The following TRMU variants were observed in gnomAD, a reference collection of about 807,000 sequenced individuals.
TRMU encodes the protein mitochondrial tRNA-specific 2-thiouridylase 1.
In TRMU, 49 loss-of-function variants were observed where a neutral mutation model predicts 46.9. That is an observed-to-expected ratio of 1.05 (90% CI 0.83 to 1.33). The LOEUF is 1.33. Among genes scored for constraint, TRMU ranks in the 40% most tolerant of loss-of-function variants. The pLI is 0.00. For synonymous variants in TRMU, 241 were observed against 200.9 expected, an observed-to-expected ratio of 1.20 and a Z score of -1.69; for missense variants, 572 against 532.4, an observed-to-expected ratio of 1.07 and a Z score of -0.73.
In TRMU at chr22:46,350,613, T is replaced by C; in HGVS notation, c.651+150T>C. On this transcript the variant is annotated intron_variant, in intron 5 of 10. Coordinates refer to ENST00000645190, the MANE Select transcript of TRMU (RefSeq NM_018006.5). The surrounding 1 kb of genome is among the most constrained non-coding windows in gnomAD (Gnocchi z 4.6). ...CCTTGGAGCAATAGATGGAGGAGTTTGCTGAGGCGCACGGTACAGGGCTCT... is the reference window on the plus strand; with the variant it reads ...CCTTGGAGCAATAGATGGAGGAGTTCGCTGAGGCGCACGGTACAGGGCTCT... 1.0e-6 allele frequency: 1 copy of C among 962,512 alleles called. No individual in the cohort carries two copies. The allele number at this position is 962,512 out of a possible 1,614,324, so 59.6% of individuals were successfully genotyped here.
chr22:46,350,436 A>G lies in TRMU; in HGVS notation c.624A>G (p.Arg208=). The change falls in exon 5 of 11, where the codon AGA becomes AGG. Residue 208 remains arginine, a synonymous_variant. Coordinates refer to ENST00000645190, the MANE Select transcript of TRMU (RefSeq NM_018006.5). The surrounding 1 kb of genome is among the most constrained non-coding windows in gnomAD (Gnocchi z 4.6). ...EFVKKIAAEN[R]LHHVLQKKES... ...TAAAGAAAATCGCTGCTGAGAATAG[A>G]CTTCATCATGTGCTTCAGAAGAAAG... 6.2e-7 allele frequency: 1 copy of G among 1,613,930 alleles called. No individual in the cohort carries two copies. Among genetic ancestry groups the G allele is most frequent in the Non-Finnish European group, 8.5e-7 (1 of 1,180,028 alleles).
Position 46,338,635 on chromosome 22 carries a change from CAA to C in TRMU, c.248+693_248+694del, listed in dbSNP as rs1421325210. The stretch of plus-strand genomic sequence containing the variant: ...TTCACCGGAGAGGAGGGGTTGCAAA[CAA>C]AGTTGTAGAGAAGGGACTCCAAATG... On this transcript the variant is annotated intron_variant, in intron 2 of 10. Coordinates refer to ENST00000645190, the MANE Select transcript of TRMU (RefSeq NM_018006.5). The surrounding 1 kb of genome is among the most constrained non-coding windows in gnomAD (Gnocchi z 4.5). Among the ~76,000 whole-genome samples the C allele has an allele frequency of 1.3e-5, 2 of 152,190 alleles. No homozygotes were observed. The highest frequency in any genetic ancestry group is 4.8e-5 in the African/African-American group (2 of 41,446).
At chr22:46,352,206 G>C (rs745383829) in intron 6 of TRMU, 32 bp downstream of exon 6, 9 of 1,614,150 alleles carry the variant, frequency 5.6e-6, no homozygotes, top group Middle Eastern at 1.7e-4. Context: ...AAAGAGATGG[G>C]GCTGCGTGTC....
At position 46,355,525 on chromosome 22, in the gene TRMU, G is replaced by T; in HGVS notation, c.955G>T (p.Ala319Ser). Residue 319 changes from alanine to serine, a missense_variant, in exon 9 of 11, where the codon GCA becomes TCA. Transcript: ENST00000645190. The part of the protein sequence containing the change: ...RVHWIAEEPP[A>S]ALVRDKMMEC... ...GCACTGGATTGCGGAGGAGCCTCCCGCAGCACTGGTCCGGGACAAGATGAT... is the reference window on the plus strand; with the variant it reads ...GCACTGGATTGCGGAGGAGCCTCCCTCAGCACTGGTCCGGGACAAGATGAT... 1 of 1,613,240 alleles carries T rather than the reference G, an allele frequency of 6.2e-7. No individual in the cohort carries two copies. Among genetic ancestry groups the T allele is most frequent in the Non-Finnish European group, 8.5e-7 (1 of 1,180,028 alleles).
intron 3 of TRMU, 86 bp from the exon 4 acceptor site, chr22:46,346,336 C>CTCTTCT (rs1322454109): frequency 2.6e-6 from 4 of 1,534,258 alleles, no homozygotes; most frequent in Non-Finnish European, 2.6e-6. Context: ...GGGGTCTATA[C>CTCTTCT]TCTTCTTTTG....
chr22:46,346,503 A>G lies in TRMU; in HGVS notation c.437A>G (p.Lys146Arg). 1 of 1,613,332 alleles carries G rather than the reference A, an allele frequency of 6.2e-7. No homozygotes were observed. The highest frequency in any genetic ancestry group is 1.1e-5 in the South Asian group (1 of 91,016). Residue 146 changes from lysine to arginine, a missense_variant, in exon 4 of 11, where the codon AAG (lysine) becomes AGG (arginine). Physicochemically the swap from Lys to Arg is conservative, Grantham distance 26 (BLOSUM62 2). Coordinates refer to ENST00000645190, the MANE Select transcript of TRMU (RefSeq NM_018006.5). ...EEVFEQKHVK[K>R]PEGLFRNRFE... The stretch of plus-strand genomic sequence containing the variant: ...GTCTTTGAGCAGAAGCACGTTAAGA[A>G]GCCCGAAGGGCTTTTCAGAAATCGG...
At chr22:46,352,003 C>T (rs2078441901) in intron 5 of TRMU, 118 bp from the exon 6 acceptor site, 2 of 1,187,448 alleles carry the variant, frequency 1.7e-6, no homozygotes, top group Non-Finnish European at 2.5e-6. Context: ...GGGCCCCTAC[C>T]CTGGAAGCAA....
Position 46,351,592 on chromosome 22 carries a change from G to A in TRMU, c.652-529G>A. The A allele has an allele frequency of 5.0e-6, 1 of 201,606 alleles. No homozygotes were observed. The highest frequency in any genetic ancestry group is 1.1e-4 in the East Asian group (1 of 8,922). 12.5% of individuals were successfully genotyped at this position (201,606 alleles called of 1,614,324 possible). ...GCTCTGTGGTGGGAGCCGCAGGGAT[G>A]GAAGGGCAGTCTTGAGAGACACAAA... is the stretch of plus-strand genomic sequence containing the variant. On this transcript the variant is annotated intron_variant, in intron 5 of 10. Transcript: ENST00000645190. The surrounding 1 kb of genome is among the most constrained non-coding windows in gnomAD (Gnocchi z 6.4).
chr22:46,355,241 A>T, intron 8 of TRMU: 2 of 733,254 alleles, frequency 2.7e-6, no homozygotes, highest in Non-Finnish European at 4.5e-6. Flanking sequence ...CCTGGGCCTT[A>T]GTCTCCTCAT....
chr22:46,343,452 C>A, intron 3 of TRMU, 84 bp downstream of exon 3: 1 of 1,020,292 alleles, frequency 9.8e-7, no homozygotes, highest in South Asian at 1.3e-5. Context: ...GTGGTGCGAT[C>A]ATGACTCACT....
Position 46,355,832 on chromosome 22 carries a change from C to T in TRMU, c.1019-158C>T, listed in dbSNP as rs6008773. 7,469 of 1,011,858 alleles carry T rather than the reference C, an allele frequency of 7.4e-3. 337 individuals are homozygous for T. The African/African-American group carries it at 0.12, about 16-fold the overall frequency. 62.7% of individuals were successfully genotyped at this position (1,011,858 alleles called of 1,614,324 possible). Reference sequence around the variant, plus strand: ...TGAAGCAAGTGTGTACACTGCCCCGCAGTGTCCTGCTGCGTCCAGGGCCCA... The same window carrying T: ...TGAAGCAAGTGTGTACACTGCCCCGTAGTGTCCTGCTGCGTCCAGGGCCCA... On this transcript the variant is annotated intron_variant, in intron 9 of 10. Transcript: ENST00000645190.
chr22:46,355,283 T>G (rs1601994032), intron 8 of TRMU, 161 bp from the exon 9 acceptor site: 2 of 1,112,822 alleles, frequency 1.8e-6, no homozygotes. Flanking sequence ...GCCCGGCGGG[T>G]GATGAGATGA....
chr22:46,349,456 G>C lies in TRMU; in HGVS notation c.479-835G>C, dbSNP rs2078347695. The stretch of plus-strand genomic sequence containing the variant: ...TGTACTGTACACGTGGCTCTGCCAA[G>C]CCAGGAAGGGTAGGTGTGCTGTCTG... On this transcript the variant is annotated intron_variant, in intron 4 of 10. Coordinates refer to ENST00000645190, the MANE Select transcript of TRMU (RefSeq NM_018006.5). The surrounding 1 kb of genome is among the most constrained non-coding windows in gnomAD (Gnocchi z 4.6). Among the ~76,000 whole-genome samples, 1 of 152,248 alleles carries C rather than the reference G, an allele frequency of 6.6e-6. No individual in the cohort carries two copies. Among genetic ancestry groups the C allele is most frequent in the South Asian group, 2.1e-4 (1 of 4,834 alleles).
In TRMU at chr22:46,353,859, G is replaced by T; in HGVS notation, c.865G>T (p.Val289Leu). The T allele has an allele frequency of 6.2e-7, 1 of 1,613,590 alleles. No individual in the cohort carries two copies. The highest frequency in any genetic ancestry group is 1.1e-5 in the South Asian group (1 of 91,054). The stretch of plus-strand genomic sequence containing the variant: ...GGAGAAGGACAGCGTCAAGGGTGAC[G>T]TGTTTGTGGTGAGTGGGCCGGCCTC... The part of the protein sequence containing the change: ...VVEKDSVKGD[V>L]FVAPRTDHPA... The change falls in exon 8 of 11, where the codon GTG becomes TTG. Residue 289 changes from valine to leucine, a missense_variant. By Grantham distance (32) the Val-to-Leu change is conservative. Transcript: ENST00000645190.
intron 1 of TRMU, 138 bp downstream of exon 1, chr22:46,335,984 CCT>C (rs2077964574): frequency 6.8e-7 from 1 of 1,461,698 alleles, no homozygotes; most frequent in Non-Finnish European, 9.0e-7. Flanking sequence ...GATACCCCGT[CCT>C]CTGACTTTGG....
chr22:46,353,639 T>C (rs2078503853), intron 7 of TRMU, 128 bp from the exon 8 acceptor site: 1 of 823,522 alleles, frequency 1.2e-6, no homozygotes, highest in South Asian at 1.4e-5. Context: ...GAATCGTATC[T>C]TCCTAGTGAG....
Position 46,350,443 on chromosome 22 carries a change from C to A in TRMU, c.631C>A (p.His211Asn). Residue 211 changes from histidine (H) to asparagine (N), a missense_variant, in exon 5 of 11, where the codon CAT becomes AAT. Transcript: ENST00000645190. This position sits in a 1 kb window ranked among gnomAD's most constrained non-coding sequence, Gnocchi z 4.6. ...AATCGCTGCTGAGAATAGACTTCATCATGTGCTTCAGAAGAAAGAGGTACG... is the reference window on the plus strand; with the variant it reads ...AATCGCTGCTGAGAATAGACTTCATAATGTGCTTCAGAAGAAAGAGGTACG... ...KKIAAENRLH[H>N]VLQKKESMGM... 6.2e-7 allele frequency: 1 copy of A among 1,613,792 alleles called. No individual in the cohort carries two copies. The highest frequency in any genetic ancestry group is 8.5e-7 in the Non-Finnish European group (1 of 1,180,018).
chr22:46,354,145 G>A (rs112496010), intron 8 of TRMU: 22 of 385,892 alleles, frequency 5.7e-5, no homozygotes, highest in African/African-American at 1.7e-4. Context: ...AGAGGACAGC[G>A]ACGCCCAGAG....
chr22:46,356,528 C>T (rs950920501), intron 10 of TRMU: 7 of 461,790 alleles, frequency 1.5e-5, no homozygotes, highest in African/African-American at 1.2e-4. Flanking sequence ...TGCCACCATG[C>T]TCCTTCCTGT....
Sources: allele counts gnomAD v4.1 joint callset (sites outside exome capture counted in the v4.1 genomes callset), GRCh38; gene constraint gnomAD v4.1.1; non-coding constraint Gnocchi (gnomAD v3.1); transcripts MANE v1.5; gene names NCBI Gene and HGNC (gene_info 2026-07-23, HGNC 2026-07-21).